Variants in UGT1A10 observed in about 807,000 individuals in gnomAD.
UGT1A10 encodes the protein UDP glucuronosyltransferase family 1 member A10.
In UGT1A10, 49 loss-of-function variants were observed where a neutral mutation model predicts 45.8. The ratio of observed to expected loss-of-function variants is 1.07; its 90% CI spans 0.85 to 1.36. The LOEUF is 1.36. UGT1A10 is among the 40% of genes most tolerant of loss of function. The probability of loss-of-function intolerance (pLI) is 0.00; values close to 1 mark genes in which losing one functional copy is unlikely to be tolerated. For synonymous variants in UGT1A10, 284 were observed against 249.7 expected, an observed-to-expected ratio of 1.14 and a Z score of -1.29; for missense variants, 745 against 668.6, an observed-to-expected ratio of 1.11 and a Z score of -1.26.
At chr2:233,705,468 CAT>C (rs1165661174) in intron 1 of UGT1A10, among the ~76,000 whole-genome samples, 1 of 152,140 alleles carries the variant, frequency 6.6e-6, no homozygotes, top group African/African-American at 2.4e-5. Context: ...AGCAGACACA[CAT>C]GAGGCAAATT....
intron 1 of UGT1A10, among the ~76,000 whole-genome samples, chr2:233,734,963 T>C (rs1419315489): frequency 6.6e-6 from 1 of 152,234 alleles, no homozygotes; most frequent in Admixed American, 6.5e-5. Context: ...ATAAGTGTGA[T>C]GTGGTGCTGA....
chr2:233,721,701 C>A (rs2125683705), intron 1 of UGT1A10: 13 of 362,480 alleles, frequency 3.6e-5, no homozygotes, highest in South Asian at 2.9e-4. Context: ...ACGCATGGCT[C>A]ATCTTGGATG....
At chr2:233,759,117 T>G (rs1697059369) in intron 1 of UGT1A10, among the ~76,000 whole-genome samples, 2 of 152,238 alleles carry the variant, frequency 1.3e-5, no homozygotes, top group African/African-American at 4.8e-5. Flanking sequence ...ACCAGGGAGT[T>G]ACAGCCTCTG....
chr2:233,709,943 C>T (rs908134043), intron 1 of UGT1A10, among the ~76,000 whole-genome samples: 1 of 152,174 alleles, frequency 6.6e-6, no homozygotes, highest in African/African-American at 2.4e-5. Flanking sequence ...TGGATGGTTT[C>T]TGTTGCTGGA....
At chr2:233,648,440 T>TTA in intron 1 of UGT1A10, 2 of 156,738 alleles carry the variant, frequency 1.3e-5, no homozygotes, top group East Asian at 1.8e-4. Context: ...GCTGTGACTT[T>TTA]TTATTATTAT....
At chr2:233,709,291 T>C (rs1460116182) in intron 1 of UGT1A10, among the ~76,000 whole-genome samples, 1 of 152,202 alleles carries the variant, frequency 6.6e-6, no homozygotes, top group Non-Finnish European at 1.5e-5. Context: ...CTTCAATTAA[T>C]GATATTTTCT....
intron 1 of UGT1A10, among the ~76,000 whole-genome samples, chr2:233,702,957 A>G (rs1394340118): frequency 6.6e-6 from 1 of 152,176 alleles, no homozygotes; most frequent in East Asian, 1.9e-4. Flanking sequence ...TCTGAATATT[A>G]CTGGCCTTGT....
At chr2:233,703,207 A>T (rs552243315) in intron 1 of UGT1A10, among the ~76,000 whole-genome samples, 19 of 152,246 alleles carry the variant, frequency 1.2e-4, no homozygotes, top group East Asian at 1.9e-4. Context: ...TGTCAATTTT[A>T]TCTAAGTTAT....
intron 1 of UGT1A10, among the ~76,000 whole-genome samples, chr2:233,727,837 G>A (rs564392450): frequency 6.6e-6 from 1 of 152,316 alleles, no homozygotes; most frequent in Non-Finnish European, 1.5e-5. Context: ...TGTTATCAAT[G>A]TGGAGTAATT....
intron 1 of UGT1A10, among the ~76,000 whole-genome samples, chr2:233,704,504 T>C (rs1158641825): frequency 1.3e-5 from 2 of 152,204 alleles, no homozygotes; most frequent in African/African-American, 2.4e-5. Context: ...TTATACGTGG[T>C]ACATCTATAT....
At chr2:233,664,709 G>A (rs115016411) in intron 1 of UGT1A10, among the ~76,000 whole-genome samples, 48 of 152,280 alleles carry the variant, frequency 3.2e-4, no homozygotes, top group Admixed American at 8.5e-4. Flanking sequence ...CCACCCCCAT[G>A]ATCCAAACAC....
chr2:233,769,644 G>T lies in UGT1A10; in HGVS notation c.1295+1205G>T. The T allele has an allele frequency of 1.2e-6, 2 of 1,608,952 alleles. No homozygotes were observed. Among genetic ancestry groups the T allele is most frequent in the South Asian group, 2.2e-5 (2 of 90,446 alleles). On this transcript the variant is annotated intron_variant, in intron 4 of 4. Transcript: ENST00000344644. This position sits in a 1 kb window ranked among gnomAD's most constrained non-coding sequence, Gnocchi z 4.4. The stretch of plus-strand genomic sequence containing the variant: ...CAAGGGACAACAGGGGAGGACTGAT[G>T]ACTGACTTCCCACCTTTGAGGTGCT...
intron 1 of UGT1A10, among the ~76,000 whole-genome samples, chr2:233,686,566 A>G (rs1201654233): frequency 6.6e-6 from 1 of 152,094 alleles, no homozygotes; most frequent in Non-Finnish European, 1.5e-5. Context: ...CCCTGGTTTC[A>G]GAAGTTAGTG....
chr2:233,735,336 G>GC (rs1210118835), intron 1 of UGT1A10, among the ~76,000 whole-genome samples: 3 of 151,898 alleles, frequency 2.0e-5, no homozygotes, highest in Non-Finnish European at 2.9e-5. Flanking sequence ...TGCAACCCCT[G>GC]CTTTTTTTTT....
At chr2:233,684,966 G>T (rs543778082) in intron 1 of UGT1A10, among the ~76,000 whole-genome samples, 1 of 152,138 alleles carries the variant, frequency 6.6e-6, no homozygotes, top group Non-Finnish European at 1.5e-5. Flanking sequence ...TGAAAAGAAA[G>T]CATTGCTTGA....
At chr2:233,755,032 C>G (rs753512191) in intron 1 of UGT1A10, 1 of 1,314,500 alleles carries the variant, frequency 7.6e-7, no homozygotes, top group South Asian at 1.1e-5. Flanking sequence ...AAGGGCCTGC[C>G]GCCTGCGCAG....
chr2:233,732,984 G>A lies in UGT1A10; in HGVS notation c.856-34050G>A, dbSNP rs112925257. On this transcript the variant is annotated intron_variant, in intron 1 of 4. Coordinates refer to ENST00000344644, the MANE Select transcript of UGT1A10 (RefSeq NM_019075.4). ...ATTTGTTTGTGTCTTCTTTTATTTCGTTGAGCAGTGGTTTGTAGTTCTCCT... is the reference window on the plus strand; with the variant it reads ...ATTTGTTTGTGTCTTCTTTTATTTCATTGAGCAGTGGTTTGTAGTTCTCCT... 1.2e-3 allele frequency among the ~76,000 whole-genome samples: 181 copies of A among 152,020 alleles called. 1 individual carries two copies. The highest frequency in any genetic ancestry group is 5.5e-3 in the Admixed American group (84 of 15,268).
chr2:233,682,201 G>A, intron 1 of UGT1A10: 1 of 1,614,168 alleles, frequency 6.2e-7, no homozygotes, highest in South Asian at 1.1e-5. Context: ...ATCAGGACCG[G>A]GAGTTCATGG....
At chr2:233,647,956 A>T (rs2073644099) in intron 1 of UGT1A10, 4 of 1,607,242 alleles carry the variant, frequency 2.5e-6, no homozygotes, top group Non-Finnish European at 3.4e-6. Flanking sequence ...CTGGTTCACC[A>T]TGTGGTCGGT....
Sources: allele counts gnomAD v4.1 joint callset (sites outside exome capture counted in the v4.1 genomes callset), GRCh38; gene constraint gnomAD v4.1.1; non-coding constraint Gnocchi (gnomAD v3.1); transcripts MANE v1.5; gene names NCBI Gene and HGNC (gene_info 2026-07-23, HGNC 2026-07-21).